Variants in WWOX observed in about 807,000 individuals in gnomAD.
WWOX encodes the protein WW domain-containing oxidoreductase.
In WWOX, 69 loss-of-function variants were observed where a neutral mutation model predicts 46.2. The observed-to-expected ratio is 1.49, with a 90% confidence interval of 1.23 to 1.82. WWOX has a LOEUF of 1.82. Among genes scored for constraint, WWOX ranks in the 40% most tolerant of loss-of-function variants. WWOX has a pLI of 0.00. For synonymous variants in WWOX, 359 were observed against 202.6 expected (o/e 1.77, Z -6.56); for missense variants, 919 against 542.6 (o/e 1.69, Z -6.89).
At chr16:78,880,899 A>G (rs950884947) in intron 8 of WWOX, among the ~76,000 whole-genome samples, 3 of 151,558 alleles carry the variant, frequency 2.0e-5, no homozygotes, top group Non-Finnish European at 4.4e-5. Flanking sequence ...GGTCAGACGT[A>G]GGTATAAGAC....
intron 8 of WWOX, among the ~76,000 whole-genome samples, chr16:79,037,308 G>A (rs1045916929): frequency 6.6e-6 from 1 of 152,166 alleles, no homozygotes; most frequent in African/African-American, 2.4e-5. Flanking sequence ...CTGGGGCATG[G>A]GTGAAACCAG....
At chr16:78,687,726 A>T (rs764606977) in intron 8 of WWOX, among the ~76,000 whole-genome samples, 3 of 152,204 alleles carry the variant, frequency 2.0e-5, no homozygotes, top group Non-Finnish European at 4.4e-5. Context: ...ATTTTTAGGC[A>T]TTATGTTATT....
At chr16:79,025,046 C>T (rs2047609991) in intron 8 of WWOX, among the ~76,000 whole-genome samples, 1 of 152,152 alleles carries the variant, frequency 6.6e-6, no homozygotes, top group Non-Finnish European at 1.5e-5. Flanking sequence ...ACCTTGTGTT[C>T]CTGCTGGAGA....
chr16:79,103,767 G>T (rs969420125), intron 8 of WWOX, among the ~76,000 whole-genome samples: 2 of 152,090 alleles, frequency 1.3e-5, no homozygotes, highest in Non-Finnish European at 2.9e-5. Context: ...TTCAGTTTCT[G>T]AGTCCTCAAG....
intron 8 of WWOX, among the ~76,000 whole-genome samples, chr16:79,033,846 T>A (rs1211950493): frequency 6.6e-6 from 1 of 152,226 alleles, no homozygotes; most frequent in Non-Finnish European, 1.5e-5. Context: ...CTGACTTATT[T>A]ATGATACTGG....
Position 78,405,806 on chromosome 16 carries a change from G to A in WWOX, c.605+18858G>A, listed in dbSNP as rs79313943. Among the ~76,000 whole-genome samples the A allele has an allele frequency of 7.9e-5, 12 of 152,106 alleles. No homozygotes were observed. In the East Asian group the frequency reaches 2.3e-3, roughly 30 times the overall value. ...TGGGCATTATCATTCCCTTTATAGG[G>A]GACACAGCTGTGGCTCAGAGGGGTT... On this transcript the variant is annotated intron_variant, in intron 6 of 8. Coordinates refer to ENST00000566780, the MANE Select transcript of WWOX (RefSeq NM_016373.4).
chr16:79,157,195 C>G (rs762271968), intron 8 of WWOX, among the ~76,000 whole-genome samples: 2 of 152,194 alleles, frequency 1.3e-5, no homozygotes, highest in Non-Finnish European at 2.9e-5. Context: ...GAATTCCAAA[C>G]CAGTTTGGCT....
At chr16:78,398,302 C>G (rs919992235) in intron 6 of WWOX, among the ~76,000 whole-genome samples, 2 of 152,202 alleles carry the variant, frequency 1.3e-5, no homozygotes, top group Non-Finnish European at 2.9e-5. Flanking sequence ...TCTTCCCCAA[C>G]CCAGGCTTCT....
chr16:78,211,127 T>C (rs1057351729), intron 5 of WWOX, among the ~76,000 whole-genome samples: 8 of 152,260 alleles, frequency 5.3e-5, no homozygotes, highest in African/African-American at 1.9e-4. Flanking sequence ...CTGAAAGGAA[T>C]TTATTTTGGG....
chr16:78,302,201 T>C (rs2080053776), intron 5 of WWOX, among the ~76,000 whole-genome samples: 1 of 152,188 alleles, frequency 6.6e-6, no homozygotes, highest in Non-Finnish European at 1.5e-5. Flanking sequence ...CCTCAGGTGA[T>C]CTGCCTGCCT....
chr16:78,403,924 G>C (rs1335934621), intron 6 of WWOX, among the ~76,000 whole-genome samples: 1 of 152,130 alleles, frequency 6.6e-6, no homozygotes, highest in African/African-American at 2.4e-5. Flanking sequence ...GAGCTCTGTG[G>C]ACCACAGAGC....
intron 5 of WWOX, among the ~76,000 whole-genome samples, chr16:78,202,697 C>G (rs934121736): frequency 6.6e-6 from 1 of 152,048 alleles, no homozygotes; most frequent in Admixed American, 6.5e-5. Flanking sequence ...GTATTTATAC[C>G]CTGTCTAAAA....
At chr16:78,423,020 G>C (rs1053707655) in intron 6 of WWOX, among the ~76,000 whole-genome samples, 14 of 151,622 alleles carry the variant, frequency 9.2e-5, no homozygotes, top group African/African-American at 3.4e-4. Context: ...CAAGTAGCTG[G>C]GATTACAGGC....
chr16:78,531,036 A>G (rs2043609109), intron 8 of WWOX, among the ~76,000 whole-genome samples: 1 of 152,242 alleles, frequency 6.6e-6, no homozygotes, highest in Non-Finnish European at 1.5e-5. Context: ...TCACTTCTCC[A>G]TTAACTGTCC....
At chr16:78,838,304 T>C (rs1231927436) in intron 8 of WWOX, among the ~76,000 whole-genome samples, 1 of 151,726 alleles carries the variant, frequency 6.6e-6, no homozygotes, top group African/African-American at 2.4e-5. Context: ...CGTTGCAGAG[T>C]GACAGTGAAC....
intron 8 of WWOX, among the ~76,000 whole-genome samples, chr16:79,168,743 A>G (rs2050643249): frequency 6.6e-6 from 1 of 152,162 alleles, no homozygotes. Flanking sequence ...GGGGTAAACC[A>G]AGTCCCAGGA....
intron 8 of WWOX, among the ~76,000 whole-genome samples, chr16:78,707,099 C>T (rs76823993): frequency 1.1e-4 from 17 of 152,166 alleles, no homozygotes; most frequent in African/African-American, 3.9e-4. Flanking sequence ...AATTGACATC[C>T]AGGTTATCAC....
intron 8 of WWOX, among the ~76,000 whole-genome samples, chr16:78,990,108 C>G (rs927433199): frequency 6.7e-6 from 1 of 149,986 alleles, no homozygotes; most frequent in Admixed American, 6.7e-5. Flanking sequence ...CTTTAGAGCC[C>G]AGGAAGTCTA....
At chr16:78,362,186 C>G (rs1045978752) in intron 5 of WWOX, among the ~76,000 whole-genome samples, 2 of 151,974 alleles carry the variant, frequency 1.3e-5, no homozygotes, top group Non-Finnish European at 2.9e-5. Context: ...TAGGGACGTG[C>G]TAATCTAGGG....
Sources: gnomAD v4.1 joint callset for allele counts (sites outside exome capture counted in the v4.1 genomes callset) on GRCh38, gnomAD v4.1.1 for gene constraint, MANE v1.5 for transcripts, NCBI Gene and HGNC (gene_info 2026-07-23, HGNC 2026-07-21) for gene names.